The following ARHGEF26 variants were observed in gnomAD, a reference collection of about 807,000 sequenced individuals.
The protein encoded by ARHGEF26 is Rho guanine nucleotide exchange factor 26, also known as Rho guanine nucleotide exchange factor (GEF) 26.
A neutral mutation model predicts 89.4 loss-of-function variants in ARHGEF26; 59 were observed. The ratio of observed to expected loss-of-function variants is 0.66; its 90% CI spans 0.54 to 0.82. ARHGEF26 has a LOEUF of 0.82. Among genes scored for constraint, ARHGEF26 ranks in the 40% least tolerant of loss-of-function variants. The pLI is 0.00. For synonymous variants in ARHGEF26, 500 were observed against 428.4 expected (o/e 1.17, Z -2.06); for missense variants, 1,234 against 1,085.6 (o/e 1.14, Z -1.92).
At chr3:154,251,381 A>G (rs1718135484) in intron 12 of ARHGEF26, among the ~76,000 whole-genome samples, 1 of 152,174 alleles carries the variant, frequency 6.6e-6, no homozygotes, top group African/African-American at 2.4e-5. Context: ...GCCATTCTGG[A>G]GTTTATAGCC....
intron 4 of ARHGEF26, among the ~76,000 whole-genome samples, chr3:154,136,735 A>C (rs1309446071): frequency 6.6e-6 from 1 of 152,184 alleles, no homozygotes; most frequent in Non-Finnish European, 1.5e-5. Flanking sequence ...CATTTGTCTG[A>C]ATTTTCAGTT....
In ARHGEF26 at chr3:154,256,765, AC is replaced by A; in HGVS notation, c.*1294del. The A allele has an allele frequency of 6.9e-7, 1 of 1,449,978 alleles. No individual in the cohort carries two copies. The highest frequency in any genetic ancestry group is 9.0e-7 in the Non-Finnish European group (1 of 1,109,580). The allele number at this position is 1,449,978 out of a possible 1,614,324, so 89.8% of individuals were successfully genotyped here. On this transcript the variant is annotated 3_prime_UTR_variant, in exon 15 of 15. Coordinates refer to ENST00000465093, the MANE Select transcript of ARHGEF26 (RefSeq NM_015595.4). The stretch of plus-strand genomic sequence containing the variant: ...CATGGTACCCAATTGAAACCTTTTG[AC>A]CTTAGTGGGAATTCATTCTATTTGC...
Position 154,240,421 on chromosome 3 carries a change from G to A in ARHGEF26, c.2142G>A (p.Val714=), listed in dbSNP as rs1717415843. ...NDYSLRDQLL[V]ESCDNEELNS... ...ATTCCTTAAGAGATCAGCTATTGGTGGAATCTTGTGACAATGAAGAGCTTA... is the reference window on the plus strand; with the variant it reads ...ATTCCTTAAGAGATCAGCTATTGGTAGAATCTTGTGACAATGAAGAGCTTA... Residue 714 remains valine, a synonymous_variant, in exon 12 of 15, where the codon GTG becomes GTA. Transcript: ENST00000465093. The A allele has an allele frequency of 6.2e-7, 1 of 1,613,638 alleles. No homozygotes were observed. The highest frequency in any genetic ancestry group is 8.5e-7 in the Non-Finnish European group (1 of 1,179,718).
chr3:154,255,671 T>A lies in ARHGEF26; in HGVS notation c.*198T>A. On this transcript the variant is annotated 3_prime_UTR_variant, in exon 15 of 15. Coordinates refer to ENST00000465093, the MANE Select transcript of ARHGEF26 (RefSeq NM_015595.4). ...CAGTGAGTTTGCACAGCTCAGTTTTTACCTAACCACACACTTGCAGACCTC... is the reference window on the plus strand; with the variant it reads ...CAGTGAGTTTGCACAGCTCAGTTTTAACCTAACCACACACTTGCAGACCTC... The A allele has an allele frequency of 7.2e-7, 1 of 1,392,176 alleles. No individual in the cohort carries two copies. Among genetic ancestry groups the A allele is most frequent in the Non-Finnish European group, 9.3e-7 (1 of 1,079,920 alleles). The allele number at this position is 1,392,176 out of a possible 1,614,324, so 86.2% of individuals were successfully genotyped here. A position where few individuals can be genotyped will look rare whatever the true frequency, so the allele number is the denominator to read the frequency against.
chr3:154,127,536 A>AG (rs1718404685), intron 3 of ARHGEF26, among the ~76,000 whole-genome samples: 1 of 111,690 alleles, frequency 9.0e-6, no homozygotes, highest in Non-Finnish European at 1.9e-5. Flanking sequence ...GCTGTCATCA[A>AG]TGATAACAGT....
At chr3:154,147,412 A>G (rs1219037422) in intron 4 of ARHGEF26, among the ~76,000 whole-genome samples, 4 of 152,296 alleles carry the variant, frequency 2.6e-5, no homozygotes, top group African/African-American at 7.2e-5. Context: ...CTCTATCTCA[A>G]TAAATAAATA....
Position 154,256,560 on chromosome 3 carries a change from A to G in ARHGEF26, c.*1087A>G. The G allele has an allele frequency of 1.0e-6, 1 of 995,164 alleles. No individual in the cohort carries two copies. The highest frequency in any genetic ancestry group is 1.8e-5 in the African/African-American group (1 of 56,452). 61.6% of individuals were successfully genotyped at this position (995,164 alleles called of 1,614,324 possible). A position where few individuals can be genotyped will look rare whatever the true frequency, so the allele number is the denominator to read the frequency against. ...CTTTCTAATTAATTAAAAAAAAAAA[A>G]AAAAAAAAAAAAAAACCTTCCCAAA... On this transcript the variant is annotated 3_prime_UTR_variant, in exon 15 of 15. Coordinates refer to ENST00000465093, the MANE Select transcript of ARHGEF26 (RefSeq NM_015595.4).
Position 154,217,966 on chromosome 3 carries a change from C to T in ARHGEF26, c.1935+8C>T, listed in dbSNP as rs1227909440. Reference sequence around the variant, plus strand: ...CTGGAATTTAAAATTAAGGTATTCTCGTACCTTGTTCATTACTGTTCTTGC... The same window carrying T: ...CTGGAATTTAAAATTAAGGTATTCTTGTACCTTGTTCATTACTGTTCTTGC... On this transcript the variant is annotated splice_region_variant and intron_variant, in intron 10 of 14. Coordinates refer to ENST00000465093, the MANE Select transcript of ARHGEF26 (RefSeq NM_015595.4). The T allele has an allele frequency of 3.8e-6, 6 of 1,564,218 alleles. No individual in the cohort carries two copies. Among genetic ancestry groups the T allele is most frequent in the South Asian group, 3.5e-5 (3 of 85,258 alleles).
chr3:154,130,839 T>C (rs1419083970), intron 4 of ARHGEF26, among the ~76,000 whole-genome samples: 1 of 152,186 alleles, frequency 6.6e-6, no homozygotes, highest in Non-Finnish European at 1.5e-5. Context: ...GAATCAGGAA[T>C]CTTGTGTATT....
At chr3:154,202,131 G>T (rs954456794) in intron 9 of ARHGEF26, among the ~76,000 whole-genome samples, 12 of 152,074 alleles carry the variant, frequency 7.9e-5, no homozygotes, top group African/African-American at 2.9e-4. Flanking sequence ...AGTTTTTATG[G>T]TTTTAGGTCT....
At chr3:154,204,333 CTTTTTTT>C (rs55822103) in intron 9 of ARHGEF26, among the ~76,000 whole-genome samples, 1,444 of 113,330 alleles carry the variant, frequency 0.013, 17 homozygotes, top group African/African-American at 0.045. Context: ...TTTTCTTTTC[CTTTTTTT>C]TTTTTTTTTT....
At chr3:154,166,168 A>C (rs1712014000) in intron 6 of ARHGEF26, among the ~76,000 whole-genome samples, 1 of 152,068 alleles carries the variant, frequency 6.6e-6, no homozygotes, top group Admixed American at 6.5e-5. Context: ...CAGTAGGAGA[A>C]TCTACTACTC....
chr3:154,244,681 T>C (rs886903444), intron 12 of ARHGEF26, among the ~76,000 whole-genome samples: 16 of 151,830 alleles, frequency 1.1e-4, no homozygotes, highest in African/African-American at 3.9e-4. Flanking sequence ...AACAAAATAT[T>C]ATCAATAACA....
At chr3:154,144,782 A>C (rs1713826) in intron 4 of ARHGEF26, among the ~76,000 whole-genome samples, 2 of 151,966 alleles carry the variant, frequency 1.3e-5, no homozygotes, top group Non-Finnish European at 2.9e-5. Flanking sequence ...CTTGAGATTC[A>C]AACACTTTTT....
chr3:154,235,672 G>A (rs555891724), intron 11 of ARHGEF26, among the ~76,000 whole-genome samples: 1 of 152,198 alleles, frequency 6.6e-6, no homozygotes. Flanking sequence ...CAACCTTGCA[G>A]AAAATTATCA....
chr3:154,200,794 A>T (rs887184982), intron 9 of ARHGEF26, among the ~76,000 whole-genome samples: 1 of 151,634 alleles, frequency 6.6e-6, no homozygotes, highest in Admixed American at 6.6e-5. Context: ...AGTTTTTCTT[A>T]TAGAGATCTT....
chr3:154,242,761 T>C (rs904777508), intron 12 of ARHGEF26, among the ~76,000 whole-genome samples: 1 of 152,032 alleles, frequency 6.6e-6, no homozygotes, highest in South Asian at 2.1e-4. Context: ...ACTGTGGTCT[T>C]AAGAAACGGC....
intron 9 of ARHGEF26, among the ~76,000 whole-genome samples, chr3:154,216,778 C>T (rs357491): frequency 0.83 from 44,399 of 53,458 alleles, 18,710 homozygotes; most frequent in East Asian, 1. Context: ...AGTGAGAATA[C>T]GCGGTGTTTG....
intron 6 of ARHGEF26, among the ~76,000 whole-genome samples, chr3:154,161,405 T>TA (rs1711657095): frequency 6.6e-6 from 1 of 152,154 alleles, no homozygotes; most frequent in Non-Finnish European, 1.5e-5. Flanking sequence ...ATAGTATACT[T>TA]AACCTTATAA....
Sources: gnomAD v4.1 joint callset for allele counts (sites outside exome capture counted in the v4.1 genomes callset) on GRCh38, gnomAD v4.1.1 for gene constraint, MANE v1.5 for transcripts, NCBI Gene and HGNC (gene_info 2026-07-23, HGNC 2026-07-21) for gene names.